The following ATP11B variants were observed in gnomAD, a reference collection of about 807,000 sequenced individuals.
ATP11B encodes the protein phospholipid-transporting ATPase IF.
Under a neutral mutation model 157.8 loss-of-function variants are expected in ATP11B, and 81 were observed. The observed-to-expected ratio is 0.51, with a 90% CI of 0.43 to 0.62. The LOEUF (loss-of-function observed/expected upper bound fraction) is 0.62. Among genes scored for constraint, ATP11B ranks in the 20% least tolerant of loss-of-function variants. The pLI is 0.00. For synonymous variants in ATP11B, 451 were observed against 469.4 expected (o/e 0.96, Z 0.51); for missense variants, 1,165 against 1,402.2 (o/e 0.83, Z 2.70).
At chr3:182,873,009 T>A (rs549398643) in intron 18 of ATP11B, among the ~76,000 whole-genome samples, 1 of 152,354 alleles carries the variant, frequency 6.6e-6, no homozygotes, top group South Asian at 2.1e-4. Context: ...AGCTTAGATA[T>A]TAGCTCCAGT....
chr3:182,872,140 C>G (rs554180789), intron 17 of ATP11B, among the ~76,000 whole-genome samples: 3 of 152,320 alleles, frequency 2.0e-5, no homozygotes, highest in African/African-American at 7.2e-5. Context: ...CTTAAGAAAA[C>G]ATCAGAAGTT....
At chr3:182,872,635 C>T in intron 18 of ATP11B, 98 bp downstream of exon 18, 1 of 1,037,772 alleles carries the variant, frequency 9.6e-7, no homozygotes, top group Non-Finnish European at 1.4e-6. Context: ...TACTAACATC[C>T]CATGATATAT....
intron 7 of ATP11B, 141 bp from the exon 8 acceptor site, chr3:182,841,934 G>T (rs189518143): frequency 2.0e-6 from 1 of 489,796 alleles, no homozygotes; most frequent in Non-Finnish European, 3.5e-6. Flanking sequence ...AGCCGAGATC[G>T]CACCACTGCA....
At chr3:182,798,388 T>C (rs1715764459) in intron 1 of ATP11B, among the ~76,000 whole-genome samples, 1 of 152,198 alleles carries the variant, frequency 6.6e-6, no homozygotes. Flanking sequence ...TTCCAAGGAA[T>C]GAATGAAGGA....
chr3:182,892,246 C>T (rs1466523939), intron 25 of ATP11B, among the ~76,000 whole-genome samples: 2 of 152,176 alleles, frequency 1.3e-5, no homozygotes, highest in African/African-American at 4.8e-5. Context: ...AGCCCACAGA[C>T]GCCTTTCCTG....
Position 182,887,579 on chromosome 3 carries a change from T to C in ATP11B, c.2716-7T>C, listed in dbSNP as rs1448233250. ...AACTCAACATTCCTACCAATTTCTCTTTCTAGACATTGTATGACAGCGTGT... is the reference window on the plus strand; with the variant it reads ...AACTCAACATTCCTACCAATTTCTCCTTCTAGACATTGTATGACAGCGTGT... On this transcript the variant is annotated splice_polypyrimidine_tract_variant and splice_region_variant and intron_variant, in intron 23 of 29. Coordinates refer to ENST00000323116, the MANE Select transcript of ATP11B (RefSeq NM_014616.3). The C allele has an allele frequency of 3.7e-6, 6 of 1,603,526 alleles. No homozygotes were observed. The highest frequency in any genetic ancestry group is 3.5e-5 in the Admixed American group (2 of 57,436).
intron 4 of ATP11B, among the ~76,000 whole-genome samples, chr3:182,831,232 G>A (rs1718114038): frequency 6.6e-6 from 1 of 151,884 alleles, no homozygotes; most frequent in Admixed American, 6.6e-5. Flanking sequence ...TTATTAAATG[G>A]CACTACCATC....
chr3:182,871,574 A>G (rs557097389), intron 17 of ATP11B, among the ~76,000 whole-genome samples: 45 of 152,318 alleles, frequency 3.0e-4, no homozygotes, highest in African/African-American at 9.9e-4. Flanking sequence ...CATGCAATGA[A>G]TCTTTAGGAA....
chr3:182,863,801 G>A (rs951114826), intron 12 of ATP11B, among the ~76,000 whole-genome samples: 7 of 151,888 alleles, frequency 4.6e-5, no homozygotes, highest in African/African-American at 9.7e-5. Flanking sequence ...GACTGATAGT[G>A]CAGTCTGTAT....
chr3:182,877,293 G>A (rs965334976), intron 19 of ATP11B, among the ~76,000 whole-genome samples: 3 of 152,176 alleles, frequency 2.0e-5, no homozygotes, highest in South Asian at 2.1e-4. Flanking sequence ...CCTGTGGGGC[G>A]AAATGTTCAC....
At chr3:182,903,534 A>T (rs1724118142) in intron 28 of ATP11B, among the ~76,000 whole-genome samples, 1 of 152,190 alleles carries the variant, frequency 6.6e-6, no homozygotes. Context: ...TAAACCTTTC[A>T]GGTTTTTTAT....
At chr3:182,834,418 A>G (rs1718384124) in intron 4 of ATP11B, among the ~76,000 whole-genome samples, 1 of 152,202 alleles carries the variant, frequency 6.6e-6, no homozygotes, top group Admixed American at 6.5e-5. Flanking sequence ...TTAGACTCCT[A>G]ACTCCCAGTC....
At chr3:182,842,493 C>T (rs1015005943) in intron 8 of ATP11B, among the ~76,000 whole-genome samples, 2 of 152,142 alleles carry the variant, frequency 1.3e-5, no homozygotes, top group African/African-American at 4.8e-5. Context: ...CTCCAGAAAC[C>T]TCTGGAAGCC....
intron 2 of ATP11B, among the ~76,000 whole-genome samples, chr3:182,824,384 G>C (rs1213786564): frequency 6.6e-6 from 1 of 152,124 alleles, no homozygotes; most frequent in Non-Finnish European, 1.5e-5. Flanking sequence ...TGTGTGGTAG[G>C]TGGATACTGT....
chr3:182,807,174 T>G (rs1349185561), intron 1 of ATP11B, among the ~76,000 whole-genome samples: 1 of 152,040 alleles, frequency 6.6e-6, no homozygotes, highest in Non-Finnish European at 1.5e-5. Flanking sequence ...TCCAGGGAGT[T>G]TAGTAGTGTG....
At chr3:182,859,695 A>G (rs1280043717) in intron 12 of ATP11B, among the ~76,000 whole-genome samples, 2 of 152,138 alleles carry the variant, frequency 1.3e-5, no homozygotes, top group African/African-American at 4.8e-5. Context: ...GGATTTAATA[A>G]ATATTTTTAT....
intron 4 of ATP11B, among the ~76,000 whole-genome samples, chr3:182,830,992 A>G (rs1485416480): frequency 2.0e-5 from 3 of 152,134 alleles, no homozygotes; most frequent in Non-Finnish European, 4.4e-5. Context: ...TCGTTTCTAT[A>G]TATACTTTCA....
At chr3:182,884,621 G>C (rs867853088) in intron 21 of ATP11B, 132 bp from the exon 22 acceptor site, 1 of 774,808 alleles carries the variant, frequency 1.3e-6, no homozygotes, top group Non-Finnish European at 1.9e-6. Context: ...TTGGACATCT[G>C]CTATCTGCTG....
rs1288413114 is a variant in ATP11B at position 182,848,049 on chromosome 3, C to T, written c.770-427C>T. Reference sequence around the variant, plus strand: ...GGTTATGGAATAATGTCTAGACCCCCGATTCCAGCATTCAGGGCTTTTCAC... The same window carrying T: ...GGTTATGGAATAATGTCTAGACCCCTGATTCCAGCATTCAGGGCTTTTCAC... On this transcript the variant is annotated intron_variant, in intron 9 of 29. Transcript: ENST00000323116. 2.0e-5 allele frequency among the ~76,000 whole-genome samples: 3 copies of T among 152,178 alleles called. No individual in the cohort carries two copies. In the South Asian group the frequency reaches 6.2e-4, roughly 31 times the overall value.
Sources: gnomAD v4.1 joint callset for allele counts (sites outside exome capture counted in the v4.1 genomes callset) on GRCh38, gnomAD v4.1.1 for gene constraint, MANE v1.5 for transcripts, NCBI Gene and HGNC (gene_info 2026-07-23, HGNC 2026-07-21) for gene names.